The following AXL variants were observed in gnomAD, a reference collection of about 807,000 sequenced individuals.
AXL encodes AXL receptor tyrosine kinase.
A neutral mutation model predicts 104.5 loss-of-function variants in AXL; 52 were observed. The ratio of observed to expected loss-of-function variants is 0.50; its 90% CI spans 0.40 to 0.63. AXL has a LOEUF of 0.63. AXL is among the 20% of genes least tolerant of loss of function. AXL has a pLI of 0.00. For synonymous variants in AXL, 455 were observed against 473.7 expected (o/e 0.96, Z 0.51); for missense variants, 1,024 against 1,188.5 (o/e 0.86, Z 2.04).
At chr19:41,224,307 G>A (rs1023919071) in intron 4 of AXL, among the ~76,000 whole-genome samples, 4 of 152,080 alleles carry the variant, frequency 2.6e-5, no homozygotes, top group African/African-American at 9.7e-5. Flanking sequence ...GTCCTAGTGA[G>A]AGCTTGTGTT....
rs758950607 is a variant in AXL at position 41,259,506 on chromosome 19, C to T, written c.2334-47C>T. On this transcript the variant is annotated intron_variant, in intron 19 of 19. Coordinates refer to ENST00000301178, the MANE Select transcript of AXL (RefSeq NM_021913.5). ...GTCCCCAGGCTTCCAGAATGCACCCCTTCTGAGTCCCTGCTCAATCTCCCA... is the reference window on the plus strand; with the variant it reads ...GTCCCCAGGCTTCCAGAATGCACCCTTTCTGAGTCCCTGCTCAATCTCCCA... 9.9e-6 allele frequency: 15 copies of T among 1,513,514 alleles called. No homozygotes were observed. In the Admixed American group the frequency reaches 2.1e-4, roughly 21 times the overall value. 93.8% of individuals were successfully genotyped at this position (1,513,514 alleles called of 1,614,324 possible).
intron 12 of AXL, among the ~76,000 whole-genome samples, chr19:41,244,790 C>T (rs561746954): frequency 8.6e-4 from 131 of 152,222 alleles, no homozygotes; most frequent in African/African-American, 3.0e-3. Context: ...CACGCCCAGC[C>T]AGAGGTGGGT....
chr19:41,251,768 C>G (rs555090315), intron 14 of AXL, among the ~76,000 whole-genome samples: 21 of 151,610 alleles, frequency 1.4e-4, no homozygotes, highest in African/African-American at 5.1e-4. Context: ...AACAAAAAAC[C>G]AATAAAATGG....
At chr19:41,229,188 T>A (rs2033934007) in intron 4 of AXL, among the ~76,000 whole-genome samples, 1 of 151,784 alleles carries the variant, frequency 6.6e-6, no homozygotes, top group Admixed American at 6.6e-5. Context: ...GGACCTCAGG[T>A]GATCCACCCA....
At chr19:41,237,859 C>A in intron 6 of AXL, 85 bp from the exon 7 acceptor site, 1 of 1,340,372 alleles carries the variant, frequency 7.5e-7, no homozygotes, top group Non-Finnish European at 1.1e-6. Context: ...TGTGTAGTCA[C>A]ACCAGACCAC....
chr19:41,223,461 G>T (rs1228829399), intron 4 of AXL, among the ~76,000 whole-genome samples: 1 of 152,144 alleles, frequency 6.6e-6, no homozygotes, highest in Non-Finnish European at 1.5e-5. Context: ...GATTCAGGGG[G>T]TTCTCCCTAC....
At position 41,248,828 on chromosome 19, in the gene AXL, A is replaced by G. The variant is rs1293596852; in HGVS notation, c.1711+8A>G. The G allele has an allele frequency of 1.9e-6, 3 of 1,605,544 alleles. No homozygotes were observed. The highest frequency in any genetic ancestry group is 4.5e-5 in the East Asian group (2 of 44,754). On this transcript the variant is annotated splice_region_variant and intron_variant, in intron 14 of 19. Coordinates refer to ENST00000301178, the MANE Select transcript of AXL (RefSeq NM_021913.5). ...CTGTGAAGACGATGAAGAGTGAGTTACGTGCACATGTGTAGGACCCCCAGC... is the reference window on the plus strand; with the variant it reads ...CTGTGAAGACGATGAAGAGTGAGTTGCGTGCACATGTGTAGGACCCCCAGC...
chr19:41,230,247 CCTGTGTGTGA>C (rs956535663), intron 4 of AXL, among the ~76,000 whole-genome samples: 2 of 140,918 alleles, frequency 1.4e-5, no homozygotes, highest in African/African-American at 2.7e-5. Flanking sequence ...TGTGTGTGTG[CCTGTGTGTGA>C]CTGTGTGTGA....
rs1568410982 is a variant in AXL, at chr19:41,231,950, A to AAC, written c.783+653_783+654insCA. On this transcript the variant is annotated intron_variant, in intron 6 of 19. Transcript: ENST00000301178. ...TCAAAAAAAAAAAAGAAACAACAAC[A>AAC]AAAAAAATTTAACAAAATGAAAATG... Among the ~76,000 whole-genome samples the AAC allele has an allele frequency of 1.9e-4, 23 of 118,232 alleles. No homozygotes were observed. In the South Asian group the frequency reaches 5.4e-3, roughly 28 times the overall value. The allele number at this position is 118,232 out of a possible 152,430, so 77.6% of individuals were successfully genotyped here.
rs533780357 is a variant in AXL at position 41,221,405 on chromosome 19, T to C, written c.409+159T>C. 4.3e-5 allele frequency: 27 copies of C among 628,452 alleles called. No individual in the cohort carries two copies. In the African/African-American group the frequency reaches 4.7e-4, roughly 11 times the overall value. The allele number at this position is 628,452 out of a possible 1,614,324, so 38.9% of individuals were successfully genotyped here. ...CTAAGAATGTCAGAGTTTTGGGTGG[T>C]CAAGAAGCTGGGAGTCCATATAAGT... On this transcript the variant is annotated intron_variant, in intron 3 of 19. Transcript: ENST00000301178.
At position 41,231,000 on chromosome 19, in the gene AXL, C is replaced by G. The variant is rs530626566; in HGVS notation, c.620C>G (p.Ala207Gly). 14 of 1,613,952 alleles carry G rather than the reference C, an allele frequency of 8.7e-6. No individual in the cohort carries two copies. The African/African-American group carries it at 1.2e-4, about 14-fold the overall frequency. Residue 207 changes from alanine (A) to glycine (G), a missense_variant, in exon 5 of 20, where the codon GCC (alanine) becomes GGC (glycine). This residue lies in a region of AXL where 332 missense variants were observed against 343.9 expected (regional missense o/e 0.97). Transcript: ENST00000301178. Reference sequence around the variant, plus strand: ...AAGACATCCTCTTTCTCCTGCGAAGCCCATAACGCCAAGGGGGTCACCACA... The same window carrying G: ...AAGACATCCTCTTTCTCCTGCGAAGGCCATAACGCCAAGGGGGTCACCACA... ...LNKTSSFSCE[A>G]HNAKGVTTSR...
intron 19 of AXL, among the ~76,000 whole-genome samples, chr19:41,258,387 C>A (rs2034486293): frequency 6.6e-6 from 1 of 152,200 alleles, no homozygotes; most frequent in South Asian, 2.1e-4. Context: ...GATTCCCATT[C>A]TGCAGATAAG....
rs777510183 is a variant in AXL, at chr19:41,261,270, A to C, written c.*1366A>C. 2.6e-5 allele frequency: 4 copies of C among 152,460 alleles called. No homozygotes were observed. Among genetic ancestry groups the C allele is most frequent in the Non-Finnish European group, 4.4e-5 (3 of 68,010 alleles). The allele number at this position is 152,460 out of a possible 1,614,324, so 9.4% of individuals were successfully genotyped here. On this transcript the variant is annotated 3_prime_UTR_variant, in exon 20 of 20. Coordinates refer to ENST00000301178, the MANE Select transcript of AXL (RefSeq NM_021913.5). ...GGATCCTAAGCATCTAAGTTATAAGACTCTCACACTCAGTTGTGACTAACT... is the reference window on the plus strand; with the variant it reads ...GGATCCTAAGCATCTAAGTTATAAGCCTCTCACACTCAGTTGTGACTAACT...
intron 14 of AXL, among the ~76,000 whole-genome samples, chr19:41,251,654 C>T (rs922038490): frequency 5.3e-5 from 8 of 151,676 alleles, no homozygotes; most frequent in Middle Eastern, 3.4e-3. Context: ...GCCTAACCTC[C>T]AGTGAGCTAT....
rs555587960 is a variant in AXL, at chr19:41,219,434, C to T, written c.42C>T (p.Ala14=). 49 of 1,606,428 alleles carry T rather than the reference C, an allele frequency of 3.1e-5. No individual in the cohort carries two copies. The highest frequency in any genetic ancestry group is 6.7e-5 in the East Asian group (3 of 44,564). ...CCAGGATGGGCAGGGTCCCGCTGGC[C>T]TGGTGCTTGGCGCTGTGCGGCTGGG... ...RCPRMGRVPL[A]WCLALCGWAC... is the part of the protein sequence containing the mutation. The change falls in exon 1 of 20, where the codon GCC becomes GCT. Residue 14 remains alanine (A), a synonymous_variant. Transcript: ENST00000301178.
chr19:41,225,680 G>A (rs1353089265), intron 4 of AXL, among the ~76,000 whole-genome samples: 2 of 152,142 alleles, frequency 1.3e-5, no homozygotes, highest in Non-Finnish European at 2.9e-5. Context: ...ATGTACATCA[G>A]TGTCAGCCCG....
intron 10 of AXL, among the ~76,000 whole-genome samples, chr19:41,241,074 C>A (rs939508287): frequency 2.0e-5 from 3 of 152,190 alleles, no homozygotes; most frequent in African/African-American, 7.2e-5. Flanking sequence ...TCACTGCACA[C>A]TTCTCTCACA....
intron 6 of AXL, among the ~76,000 whole-genome samples, chr19:41,231,683 T>C (rs1410661906): frequency 1.3e-5 from 2 of 152,012 alleles, no homozygotes; most frequent in Non-Finnish European, 2.9e-5. Context: ...TCCCAGCACT[T>C]TGGGAGGCCG....
intron 4 of AXL, among the ~76,000 whole-genome samples, chr19:41,230,083 G>A (rs935276764): frequency 6.6e-6 from 1 of 152,084 alleles, no homozygotes; most frequent in African/African-American, 2.4e-5. Flanking sequence ...ATGTGTATAT[G>A]AGTATGTGAG....
Sources: gnomAD v4.1 joint callset for allele counts (sites outside exome capture counted in the v4.1 genomes callset) on GRCh38, gnomAD v4.1.1 for gene constraint, gnomAD v4.1.1 regional missense constraint, MANE v1.5 for transcripts, NCBI Gene and HGNC (gene_info 2026-07-23, HGNC 2026-07-21) for gene names.